LYRM1: variants seen among roughly 807,000 people sequenced by gnomAD.
LYRM1 encodes the protein LYR motif-containing protein 1.
LYRM1 carries 14 observed loss-of-function variants against 14.9 expected under a neutral mutation model. The ratio of observed to expected loss-of-function variants is 0.94; its 90% confidence interval spans 0.62 to 1.47. The LOEUF (loss-of-function observed/expected upper bound fraction) is 1.47, where lower values mean the gene tolerates loss of function less well. Ranked by LOEUF, LYRM1 falls within the 40% of genes most tolerant of loss-of-function variation. The pLI is 0.00. For missense variants in LYRM1, 153 were observed against 149.9 expected, an observed-to-expected ratio of 1.02 and a Z score of -0.11; for synonymous variants, 43 against 56.2, an observed-to-expected ratio of 0.77 and a Z score of 1.05.
intron 2 of LYRM1, among the ~76,000 whole-genome samples, chr16:20,916,217 T>A (rs372918378): frequency 6.6e-6 from 1 of 152,128 alleles, no homozygotes; most frequent in Non-Finnish European, 1.5e-5. Flanking sequence ...CAGAGTGAGA[T>A]TGCCCTTTGG....
At chr16:20,917,961 G>A (rs1301556959) in intron 2 of LYRM1, among the ~76,000 whole-genome samples, 1 of 151,678 alleles carries the variant, frequency 6.6e-6, no homozygotes, top group Non-Finnish European at 1.5e-5. Flanking sequence ...CTAAATGAAT[G>A]AGCAGCTATA....
chr16:20,902,290 C>T (rs1032669837), intron 1 of LYRM1, among the ~76,000 whole-genome samples: 6 of 152,190 alleles, frequency 3.9e-5, no homozygotes, highest in African/African-American at 1.4e-4. Flanking sequence ...CGAAAGTTCT[C>T]TTTTGAACAT....
chr16:20,909,254 CAG>C (rs2082466483), intron 1 of LYRM1, among the ~76,000 whole-genome samples: 1 of 152,174 alleles, frequency 6.6e-6, no homozygotes, highest in Non-Finnish European at 1.5e-5. Context: ...TGTGTTATAA[CAG>C]GGCGTGATTT....
chr16:20,910,140 AAG>A (rs1337025837), intron 1 of LYRM1, among the ~76,000 whole-genome samples: 2 of 152,224 alleles, frequency 1.3e-5, no homozygotes, highest in African/African-American at 2.4e-5. Context: ...GCCTTCTAGA[AAG>A]AGAAAACTGC....
intron 2 of LYRM1, 33 bp from the exon 3 acceptor site, chr16:20,920,089 C>A (rs1460204130): frequency 2.1e-6 from 3 of 1,439,420 alleles, no homozygotes; most frequent in Non-Finnish European, 2.9e-6. Flanking sequence ...TAGAAAGATA[C>A]TATCAGCCTC....
At chr16:20,907,254 T>C (rs924153232) in intron 1 of LYRM1, among the ~76,000 whole-genome samples, 3 of 152,218 alleles carry the variant, frequency 2.0e-5, no homozygotes, top group African/African-American at 7.2e-5. Context: ...CTTTTGCGCT[T>C]AAGACCAGAA....
At position 20,924,150 on chromosome 16, in the gene LYRM1, C is replaced by A; in HGVS notation, c.*34C>A. On this transcript the variant is annotated 3_prime_UTR_variant, in exon 4 of 4. Transcript: ENST00000567954. Reference sequence around the variant, plus strand: ...AAAGTTTATTTCTGCAAATGATGAGCCAACTAGTTATTGAATGTAAACCAG... The same window carrying A: ...AAAGTTTATTTCTGCAAATGATGAGACAACTAGTTATTGAATGTAAACCAG... The A allele has an allele frequency of 8.3e-7, 1 of 1,201,122 alleles. No homozygotes were observed. Among genetic ancestry groups the A allele is most frequent in the Non-Finnish European group, 1.2e-6 (1 of 819,534 alleles). 74.4% of individuals were successfully genotyped at this position (1,201,122 alleles called of 1,614,324 possible). A position where few individuals can be genotyped will look rare whatever the true frequency, so the allele number is the denominator to read the frequency against.
chr16:20,915,424 C>T lies in LYRM1; in HGVS notation c.1-132C>T. The T allele has an allele frequency of 3.8e-6, 3 of 787,568 alleles. 1 individual carries two copies. The highest frequency in any genetic ancestry group is 5.9e-6 in the Non-Finnish European group (3 of 509,920). The allele number at this position is 787,568 out of a possible 1,614,324, so 48.8% of individuals were successfully genotyped here. ...CCAGTGAGCCGAGATTGCACCACTGCACTACAGCCTGGGCGACAGAGCAAG... is the reference window on the plus strand; with the variant it reads ...CCAGTGAGCCGAGATTGCACCACTGTACTACAGCCTGGGCGACAGAGCAAG... On this transcript the variant is annotated intron_variant, in intron 1 of 3. Transcript: ENST00000567954.
intron 1 of LYRM1, among the ~76,000 whole-genome samples, chr16:20,908,746 G>C (rs1322375736): frequency 4.6e-5 from 7 of 152,204 alleles, no homozygotes; most frequent in Non-Finnish European, 1.5e-5. Context: ...ATAGAAGCAA[G>C]GAAAAGGTTG....
chr16:20,910,648 C>G (rs1375262926), intron 1 of LYRM1, among the ~76,000 whole-genome samples: 2 of 152,152 alleles, frequency 1.3e-5, no homozygotes, highest in Non-Finnish European at 2.9e-5. Flanking sequence ...GTGGCGCACG[C>G]CTGAGGTCCC....
chr16:20,916,067 T>G (rs201863041), intron 2 of LYRM1, among the ~76,000 whole-genome samples: 7 of 25,690 alleles, frequency 2.7e-4, no homozygotes, highest in Non-Finnish European at 3.8e-4. Context: ...AAAGTGGTTT[T>G]TTGTTGTTGT....
chr16:20,913,359 C>T (rs2082702892), intron 1 of LYRM1, among the ~76,000 whole-genome samples: 1 of 146,842 alleles, frequency 6.8e-6, no homozygotes, highest in Admixed American at 6.9e-5. Flanking sequence ...GTTGCCCAGG[C>T]TGGAATACAG....
chr16:20,918,477 A>T (rs977554639), intron 2 of LYRM1, among the ~76,000 whole-genome samples: 1 of 152,160 alleles, frequency 6.6e-6, no homozygotes, highest in African/African-American at 2.4e-5. Flanking sequence ...CACAAATGCT[A>T]TTGCTTAAGA....
At chr16:20,915,511 C>T (rs1327062113) in intron 1 of LYRM1, 45 bp from the exon 2 acceptor site, 1 of 1,555,986 alleles carries the variant, frequency 6.4e-7, no homozygotes, top group Admixed American at 1.8e-5. Context: ...TGTCAAGTTG[C>T]ATTTTTATGC....
At chr16:20,914,593 C>T (rs982430101) in intron 1 of LYRM1, among the ~76,000 whole-genome samples, 6 of 152,030 alleles carry the variant, frequency 3.9e-5, no homozygotes, top group Non-Finnish European at 5.9e-5. Flanking sequence ...TGAGCCACCA[C>T]GCCTGGCCTC....
chr16:20,901,781 G>C lies in LYRM1; in HGVS notation c.-1+892G>C, dbSNP rs978894864. Among the ~76,000 whole-genome samples, 1 of 152,106 alleles carries C rather than the reference G, an allele frequency of 6.6e-6. No individual in the cohort carries two copies. Among genetic ancestry groups the C allele is most frequent in the Non-Finnish European group, 1.5e-5 (1 of 68,026 alleles). ...GGATAGAGAAGGGTGGAAGTAGTTA[G>C]ACCTGTTAGGAGACTGTTGCACTGT... On this transcript the variant is annotated intron_variant, in intron 1 of 3. Coordinates refer to ENST00000567954, the MANE Select transcript of LYRM1 (RefSeq NM_001128302.3). The surrounding 1 kb of genome is among the most constrained non-coding windows in gnomAD (Gnocchi z 4.6).
chr16:20,916,161 C>T (rs141962791), intron 2 of LYRM1, among the ~76,000 whole-genome samples: 109 of 152,184 alleles, frequency 7.2e-4, no homozygotes, highest in Admixed American at 5.9e-3. Context: ...GATTAAGACA[C>T]AGGGTTTCCT....
chr16:20,909,585 T>C (rs908125773), intron 1 of LYRM1, among the ~76,000 whole-genome samples: 8 of 152,284 alleles, frequency 5.3e-5, no homozygotes, highest in African/African-American at 1.9e-4. Context: ...GAAAAGGGCT[T>C]CCTTAGTCTT....
chr16:20,903,702 G>A lies in LYRM1; in HGVS notation c.-1+2813G>A, dbSNP rs538557653. 9.2e-5 allele frequency among the ~76,000 whole-genome samples: 14 copies of A among 152,110 alleles called. No homozygotes were observed. The East Asian group carries it at 2.3e-3, about 25-fold the overall frequency. Reference sequence around the variant, plus strand: ...GTGCCTCTGCAGATGGGAAAGTTGCGCATTCAGTAGTTATTTGATGGTGGA... The same window carrying A: ...GTGCCTCTGCAGATGGGAAAGTTGCACATTCAGTAGTTATTTGATGGTGGA... On this transcript the variant is annotated intron_variant, in intron 1 of 3. Coordinates refer to ENST00000567954, the MANE Select transcript of LYRM1 (RefSeq NM_001128302.3).
Sources: allele counts gnomAD v4.1 joint callset (sites outside exome capture counted in the v4.1 genomes callset), GRCh38; gene constraint gnomAD v4.1.1; non-coding constraint Gnocchi (gnomAD v3.1); transcripts MANE v1.5; gene names NCBI Gene and HGNC (gene_info 2026-07-23, HGNC 2026-07-21).